KCNH8: variants seen among roughly 807,000 people sequenced by gnomAD.
KCNH8 encodes voltage-gated delayed rectifier potassium channel KCNH8.
Under a neutral mutation model 103.6 loss-of-function variants are expected in KCNH8, and 70 were observed. The ratio of observed to expected loss-of-function variants is 0.68; its 90% CI spans 0.56 to 0.82. KCNH8 has a LOEUF of 0.82. Among genes scored for constraint, KCNH8 ranks in the 40% least tolerant of loss-of-function variants. KCNH8 has a pLI of 0.00. For synonymous variants in KCNH8, 498 were observed against 489.4 expected (o/e 1.02, Z -0.23); for missense variants, 1,217 against 1,329.9 (o/e 0.92, Z 1.32).
chr3:19,315,150 C>T (rs1381852235), intron 3 of KCNH8, among the ~76,000 whole-genome samples: 3 of 151,916 alleles, frequency 2.0e-5, no homozygotes, highest in East Asian at 3.9e-4. Context: ...AGAATCATAA[C>T]AAACATGGCC....
intron 3 of KCNH8, among the ~76,000 whole-genome samples, chr3:19,341,741 A>G (rs1479601667): frequency 6.6e-6 from 1 of 152,146 alleles, no homozygotes; most frequent in Non-Finnish European, 1.5e-5. Flanking sequence ...AATATAAATT[A>G]ATATGGCATT....
intron 4 of KCNH8, among the ~76,000 whole-genome samples, chr3:19,345,261 A>AT (rs1008998942): frequency 6.6e-6 from 1 of 151,954 alleles, no homozygotes; most frequent in African/African-American, 2.4e-5. Context: ...CTACAAATGC[A>AT]TTTTTCTGGC....
At chr3:19,409,798 T>TGATTACAACATTACATAA (rs2125146761) in intron 7 of KCNH8, among the ~76,000 whole-genome samples, 1 of 152,018 alleles carries the variant, frequency 6.6e-6, no homozygotes, top group South Asian at 2.1e-4. Flanking sequence ...TAATGATAAA[T>TGATTACAACATTACATAA]TGTTCAAGCA....
At chr3:19,318,732 GT>G (rs758483765) in intron 3 of KCNH8, among the ~76,000 whole-genome samples, 5 of 150,298 alleles carry the variant, frequency 3.3e-5, no homozygotes, top group Non-Finnish European at 5.9e-5. Context: ...TCTCCACACT[GT>G]TTTCCATAGT....
intron 5 of KCNH8, among the ~76,000 whole-genome samples, chr3:19,384,639 CA>C (rs963424456): frequency 1.3e-5 from 2 of 151,780 alleles, no homozygotes; most frequent in African/African-American, 2.4e-5. Context: ...ACCCAATAGG[CA>C]AAAAAATTTT....
intron 2 of KCNH8, among the ~76,000 whole-genome samples, chr3:19,256,242 A>G (rs997416400): frequency 1.3e-5 from 2 of 152,122 alleles, no homozygotes; most frequent in Non-Finnish European, 2.9e-5. Flanking sequence ...TCCTTGGAGG[A>G]TATTCCCTGA....
chr3:19,221,844 CTTT>C, intron 1 of KCNH8, among the ~76,000 whole-genome samples: 1 of 143,566 alleles, frequency 7.0e-6, no homozygotes. Context: ...ACTAGCATTC[CTTT>C]TTTTTTTTTT....
chr3:19,513,130 C>G lies in KCNH8; in HGVS notation c.2240C>G (p.Ala747Gly), dbSNP rs746824894. The G allele has an allele frequency of 1.9e-6, 3 of 1,613,920 alleles. No individual in the cohort carries two copies. The highest frequency in any genetic ancestry group is 2.5e-6 in the Non-Finnish European group (3 of 1,179,928). ...SRNKKVGSNKAYLGLSLKQLA... is the reference protein window; with the variant it reads ...SRNKKVGSNKGYLGLSLKQLA... ...AACAAGAAGGTTGGAAGCAATAAAG[C>G]CTACCTGGGCTTAAGCTTAAAGCAA... is the stretch of plus-strand genomic sequence containing the variant. The change falls in exon 13 of 16, where the codon GCC (alanine) becomes GGC (glycine). Residue 747 changes from alanine to glycine, a missense_variant. By Grantham distance (60) the Ala-to-Gly change is moderately conservative. Transcript: ENST00000328405.
At chr3:19,361,200 G>A (rs2125109609) in intron 5 of KCNH8, among the ~76,000 whole-genome samples, 1 of 152,104 alleles carries the variant, frequency 6.6e-6, no homozygotes, top group South Asian at 2.1e-4. Flanking sequence ...AAAACAACAA[G>A]AAAAAGAAGT....
At chr3:19,490,703 A>G (rs1288360860) in intron 11 of KCNH8, among the ~76,000 whole-genome samples, 1 of 152,150 alleles carries the variant, frequency 6.6e-6, no homozygotes, top group Non-Finnish European at 1.5e-5. Flanking sequence ...TCCCCCCCTT[A>G]AAGTGAGCAA....
At chr3:19,454,270 C>T (rs551142174) in intron 10 of KCNH8, among the ~76,000 whole-genome samples, 21 of 151,638 alleles carry the variant, frequency 1.4e-4, no homozygotes, top group Admixed American at 1.3e-3. Flanking sequence ...AGGCCAGTCA[C>T]CCTATCATCT....
intron 7 of KCNH8, among the ~76,000 whole-genome samples, chr3:19,436,746 A>G (rs1248817404): frequency 6.6e-6 from 1 of 152,234 alleles, no homozygotes; most frequent in Admixed American, 6.5e-5. Context: ...GTGTAAATGA[A>G]CAGACATTGA....
Position 19,454,144 on chromosome 3 carries a change from CTGTGTGTGTGTGTGTGTG to C in KCNH8, c.1826-2588_1826-2571del, listed in dbSNP as rs372400109. Among the ~76,000 whole-genome samples, 1,046 of 131,610 alleles carry C rather than the reference CTGTGTGTGTGTGTGTGTG, an allele frequency of 7.9e-3. 13 individuals carry two copies. The highest frequency in any genetic ancestry group is 0.026 in the African/African-American group (920 of 35,454). The allele number at this position is 131,610 out of a possible 152,430, so 86.3% of individuals were successfully genotyped here. A position where few individuals can be genotyped will look rare whatever the true frequency, so the allele number is the denominator to read the frequency against. On this transcript the variant is annotated intron_variant, in intron 10 of 15. Transcript: ENST00000328405. ...GTAACTCAATATTAGAGTAAGGCTT[CTGTGTGTGTGTGTGTGTG>C]TGTGTGTGTGTGTGTGTGTGTGTGT...
chr3:19,230,586 G>A (rs1024165601), intron 1 of KCNH8, among the ~76,000 whole-genome samples: 6 of 152,074 alleles, frequency 3.9e-5, no homozygotes, highest in South Asian at 2.1e-4. Context: ...CTGTGTCATC[G>A]GTTGCATAAT....
chr3:19,348,743 G>A (rs944938782), intron 5 of KCNH8, among the ~76,000 whole-genome samples: 9 of 151,938 alleles, frequency 5.9e-5, no homozygotes, highest in Non-Finnish European at 1.2e-4. Context: ...TGGTGATAGA[G>A]GGCTATATTC....
intron 1 of KCNH8, among the ~76,000 whole-genome samples, chr3:19,212,000 T>C (rs2063775869): frequency 6.6e-6 from 1 of 152,150 alleles, no homozygotes; most frequent in African/African-American, 2.4e-5. Context: ...TGATGGACAG[T>C]AGCCAGAATA....
intron 1 of KCNH8, among the ~76,000 whole-genome samples, chr3:19,162,867 A>G (rs940209561): frequency 6.6e-6 from 1 of 152,222 alleles, no homozygotes; most frequent in African/African-American, 2.4e-5. Context: ...TATAAAAAGT[A>G]TATAATTCAG....
chr3:19,219,914 C>T (rs894348089), intron 1 of KCNH8, among the ~76,000 whole-genome samples: 3 of 152,176 alleles, frequency 2.0e-5, no homozygotes, highest in Non-Finnish European at 4.4e-5. Flanking sequence ...AAGCAAAAAG[C>T]TCCTAAAGTA....
intron 3 of KCNH8, among the ~76,000 whole-genome samples, chr3:19,323,524 G>C (rs2065379647): frequency 6.6e-6 from 1 of 152,134 alleles, no homozygotes; most frequent in Non-Finnish European, 1.5e-5. Flanking sequence ...GTTTTGTCTT[G>C]GTTTGGATTC....
Sources: allele counts gnomAD v4.1 joint callset (sites outside exome capture counted in the v4.1 genomes callset), GRCh38; gene constraint gnomAD v4.1.1; transcripts MANE v1.5; gene names NCBI Gene and HGNC (gene_info 2026-07-23, HGNC 2026-07-21).